SYAP1: variants seen among roughly 807,000 people sequenced by gnomAD.
SYAP1 encodes the protein synapse associated protein 1, also known as synapse-associated protein 1.
Under a neutral mutation model 29.6 loss-of-function variants are expected in SYAP1, and 3 were observed. The ratio of observed to expected loss-of-function variants is 0.10; its 90% confidence interval spans 0.05 to 0.26. SYAP1 has a LOEUF of 0.26. SYAP1 is among the 10% of genes least tolerant of loss of function. The probability of loss-of-function intolerance (pLI) is 1.00; values close to 1 mark genes in which losing one functional copy is unlikely to be tolerated. For missense variants in SYAP1, 217 were observed against 264.1 expected (o/e 0.82, Z 1.24); for synonymous variants, 102 against 102.7 (o/e 0.99, Z 0.04).
chrX:16,755,221 ATCT>A, intron 6 of SYAP1, 128 bp downstream of exon 6: 1 of 688,775 alleles, frequency 1.5e-6, no homozygotes, highest in Non-Finnish European at 2.1e-6. Flanking sequence ...CCCAGAGGAA[ATCT>A]TCATTTTTCT....
chrX:16,730,129 G>A (rs760125310), intron 1 of SYAP1, among the ~76,000 whole-genome samples: 67 of 112,029 alleles, frequency 6.0e-4, no homozygotes, highest in African/African-American at 2.1e-3. Context: ...GCCAAGGTGG[G>A]TGGATCATGA....
intron 1 of SYAP1, among the ~76,000 whole-genome samples, chrX:16,733,402 A>G (rs993743521): frequency 9.9e-5 from 11 of 111,193 alleles, no homozygotes; most frequent in African/African-American, 3.3e-4. Context: ...AAGTAATACC[A>G]CCCACAGAAT....
At chrX:16,742,301 G>A (rs1373984601) in intron 4 of SYAP1, among the ~76,000 whole-genome samples, 10 of 109,481 alleles carry the variant, frequency 9.1e-5, no homozygotes, top group African/African-American at 1.0e-4. Flanking sequence ...ACAGGTGCCC[G>A]CCACCACGCC....
At chrX:16,722,250 C>T (rs1026072845) in intron 1 of SYAP1, among the ~76,000 whole-genome samples, 2 of 111,661 alleles carry the variant, frequency 1.8e-5, no homozygotes, top group Non-Finnish European at 3.8e-5. Context: ...AAATATCAGC[C>T]GGGTGCGGTG....
chrX:16,760,326 G>A lies in SYAP1; in HGVS notation c.1026G>A (p.Lys342=), dbSNP rs1477376356. The A allele has an allele frequency of 7.5e-6, 9 of 1,198,712 alleles. No individual in the cohort carries two copies. The East Asian group carries it at 2.7e-4, about 36-fold the overall frequency. The change falls in exon 9 of 9, where the codon AAG becomes AAA. Residue 342 remains lysine (K), a synonymous_variant. Coordinates refer to ENST00000380155, the MANE Select transcript of SYAP1 (RefSeq NM_032796.4). Reference sequence around the variant, plus strand: ...AAAAACGAGATGAAAACTGGGATAAGGAAATAGAGAAAATGCTTCAAGAGG... The same window carrying A: ...AAAAACGAGATGAAAACTGGGATAAAGAAATAGAGAAAATGCTTCAAGAGG... ...ESEKRDENWD[K]EIEKMLQEEN is the part of the protein sequence containing the mutation.
At chrX:16,736,514 C>CGG in intron 3 of SYAP1, 2 of 215,183 alleles carry the variant, frequency 9.3e-6, no homozygotes, top group Non-Finnish European at 8.5e-6. Flanking sequence ...CTTTTCTTTT[C>CGG]CCCCACCGAG....
At chrX:16,722,483 G>C (rs780107796) in intron 1 of SYAP1, among the ~76,000 whole-genome samples, 1 of 107,352 alleles carries the variant, frequency 9.3e-6, no homozygotes, top group Non-Finnish European at 1.9e-5. Context: ...AGCCGAGATC[G>C]CGCCACTGCA....
chrX:16,741,251 T>C (rs747638364), intron 3 of SYAP1, among the ~76,000 whole-genome samples: 4 of 111,411 alleles, frequency 3.6e-5, no homozygotes, highest in Non-Finnish European at 5.6e-5. Context: ...CAGGCTGAAA[T>C]GCAATGGCGG....
At chrX:16,747,511 G>A (rs1926634286) in intron 5 of SYAP1, among the ~76,000 whole-genome samples, 1 of 112,450 alleles carries the variant, frequency 8.9e-6, no homozygotes, top group South Asian at 3.7e-4. Flanking sequence ...CTGAGTGGCT[G>A]GAGCCTGAGG....
At position 16,745,110 on chromosome X, in the gene SYAP1, T is replaced by G. The variant is rs751491776; in HGVS notation, c.575+1270T>G. The stretch of plus-strand genomic sequence containing the variant: ...CCATACTGAAAGGGTACATGGCCGC[T>G]GAATGTGGGGACAAGCCTTTTGGCC... On this transcript the variant is annotated intron_variant, in intron 5 of 8. Coordinates refer to ENST00000380155, the MANE Select transcript of SYAP1 (RefSeq NM_032796.4). Among the ~76,000 whole-genome samples the G allele has an allele frequency of 3.0e-4, 34 of 112,721 alleles. No homozygotes were observed. The Admixed American group carries it at 3.2e-3, about 11-fold the overall frequency.
rs1482525667 is a variant in SYAP1, at chrX:16,761,521, C to G, written c.*1162C>G. 9.0e-6 allele frequency: 1 copy of G among 111,361 alleles called. No homozygotes were observed. Among genetic ancestry groups the G allele is most frequent in the Non-Finnish European group, 1.9e-5 (1 of 53,151 alleles). The allele number at this position is 111,361 out of a possible 1,213,427, so 9.2% of individuals were successfully genotyped here. On this transcript the variant is annotated 3_prime_UTR_variant, in exon 9 of 9. Transcript: ENST00000380155. The stretch of plus-strand genomic sequence containing the variant: ...AATCCTTCTCTTTCTGCTATACCAG[C>G]AGACACATATTCATAGAATATGATT...
chrX:16,741,820 A>T (rs375688952), intron 4 of SYAP1, 31 bp downstream of exon 4: 19 of 1,012,326 alleles, frequency 1.9e-5, no homozygotes, highest in Non-Finnish European at 2.5e-5. Flanking sequence ...CAGATAGAAC[A>T]TACTTTCTTC....
intron 1 of SYAP1, among the ~76,000 whole-genome samples, chrX:16,729,919 C>A (rs1477486368): frequency 2.7e-5 from 3 of 112,308 alleles, no homozygotes. Context: ...TTTATTTTAT[C>A]CAACTTAAAA....
rs772259903 is a variant in SYAP1 at position 16,728,347 on chromosome X, A to G, written c.176-6880A>G. Reference sequence around the variant, plus strand: ...TCAAGAGCACTTGTTAGAGCTTTATAGCTGATTATAAAATCAACTTCTAAA... The same window carrying G: ...TCAAGAGCACTTGTTAGAGCTTTATGGCTGATTATAAAATCAACTTCTAAA... On this transcript the variant is annotated intron_variant, in intron 1 of 8. Coordinates refer to ENST00000380155, the MANE Select transcript of SYAP1 (RefSeq NM_032796.4). 2.7e-5 allele frequency among the ~76,000 whole-genome samples: 3 copies of G among 111,832 alleles called. No homozygotes were observed. In the South Asian group the frequency reaches 1.1e-3, roughly 41 times the overall value.
At chrX:16,738,194 C>T (rs535327232) in intron 3 of SYAP1, among the ~76,000 whole-genome samples, 1 of 111,696 alleles carries the variant, frequency 9.0e-6, no homozygotes, top group Admixed American at 9.6e-5. Context: ...GTAGGCAGAT[C>T]ACTTGAGGCC....
chrX:16,758,189 G>A (rs1449159810), intron 8 of SYAP1, among the ~76,000 whole-genome samples: 1 of 110,810 alleles, frequency 9.0e-6, no homozygotes, highest in Non-Finnish European at 1.9e-5. Flanking sequence ...GACTATAGGC[G>A]TGTGCCACCA....
chrX:16,724,556 G>A (rs1926042924), intron 1 of SYAP1, among the ~76,000 whole-genome samples: 1 of 111,278 alleles, frequency 9.0e-6, no homozygotes, highest in African/African-American at 3.3e-5. Flanking sequence ...AAGAAATGTG[G>A]GGATGGGAGG....
intron 5 of SYAP1, among the ~76,000 whole-genome samples, chrX:16,745,660 C>T (rs1926584100): frequency 1.9e-5 from 2 of 108,027 alleles, no homozygotes; most frequent in African/African-American, 6.8e-5. Flanking sequence ...TGCTTGAACC[C>T]GGCAGACAGA....
chrX:16,722,135 A>AT (rs1363761091), intron 1 of SYAP1, among the ~76,000 whole-genome samples: 1 of 112,430 alleles, frequency 8.9e-6, no homozygotes, highest in Non-Finnish European at 1.9e-5. Flanking sequence ...TAAGAAGTAT[A>AT]TTGTCTTTAA....
Sources: allele counts gnomAD v4.1 joint callset (sites outside exome capture counted in the v4.1 genomes callset), GRCh38; gene constraint gnomAD v4.1.1; transcripts MANE v1.5; gene names NCBI Gene and HGNC (gene_info 2026-07-23, HGNC 2026-07-21).